The following ALG11 variants were observed in gnomAD, a reference collection of about 807,000 sequenced individuals.
ALG11 encodes the protein GDP-Man:Man(3)GlcNAc(2)-PP-Dol alpha-1,2-mannosyltransferase.
ALG11 carries 26 observed loss-of-function variants against 38.8 expected under a neutral mutation model. That is an observed-to-expected ratio of 0.67 (90% CI 0.49 to 0.93). The LOEUF is 0.93. ALG11 is among the 40% of genes least tolerant of loss of function. The probability of loss-of-function intolerance (pLI) is 0.00; values close to 1 mark genes in which losing one functional copy is unlikely to be tolerated. For missense variants in ALG11, 535 were observed against 578.8 expected, an observed-to-expected ratio of 0.92 and a Z score of 0.78; for synonymous variants, 199 against 211.6, an observed-to-expected ratio of 0.94 and a Z score of 0.52.
intron 2 of ALG11, chr13:52,021,454 G>GA: frequency 6.6e-6 from 1 of 152,346 alleles, no homozygotes. Context: ...AGTCCCCTAA[G>GA]GCTGGTTGGA....
intron 1 of ALG11, chr13:52,015,729 G>A (rs1275021363): frequency 6.5e-6 from 1 of 152,826 alleles, no homozygotes; most frequent in Non-Finnish European, 1.5e-5. Flanking sequence ...ATGATTCTGA[G>A]GCCTCATAGC....
chr13:52,017,657 T>G (rs999050588), intron 1 of ALG11: 1 of 160,976 alleles, frequency 6.2e-6, no homozygotes, highest in African/African-American at 2.4e-5. Flanking sequence ...CCTGCCGTGA[T>G]TCTGAGGTCT....
intron 2 of ALG11, chr13:52,020,681 A>G (rs1954176670): frequency 6.6e-6 from 1 of 152,208 alleles, no homozygotes; most frequent in South Asian, 2.1e-4. Flanking sequence ...GGAGAAAAAA[A>G]CCAAATCATT....
intron 3 of ALG11, among the ~76,000 whole-genome samples, chr13:52,026,776 T>C (rs962324029): frequency 6.6e-6 from 1 of 152,158 alleles, no homozygotes; most frequent in African/African-American, 2.4e-5. Flanking sequence ...AGGGCATGCG[T>C]CCAGGAGGTA....
chr13:52,012,521 G>T (rs1954080134), intron 1 of ALG11, 59 bp downstream of exon 1: 1 of 1,611,578 alleles, frequency 6.2e-7, no homozygotes, highest in African/African-American at 1.3e-5. Flanking sequence ...GTACTTGCCC[G>T]TCCAGTGTAG....
chr13:52,027,318 C>G (rs1954250692), intron 3 of ALG11, among the ~76,000 whole-genome samples: 1 of 151,894 alleles, frequency 6.6e-6, no homozygotes, highest in South Asian at 2.1e-4. Context: ...CATGTGGTGC[C>G]CTAGCTTCCT....
At chr13:52,020,318 A>G (rs1954173854) in intron 2 of ALG11, among the ~76,000 whole-genome samples, 1 of 152,082 alleles carries the variant, frequency 6.6e-6, no homozygotes. Flanking sequence ...AGGTTCCATT[A>G]TTTTATCATA....
intron 2 of ALG11, chr13:52,021,969 T>C (rs1247734176): frequency 1.2e-4 from 19 of 152,342 alleles, no homozygotes; most frequent in Middle Eastern, 3.4e-3. Flanking sequence ...ACTGGCACAA[T>C]GTCACTTTTG....
Position 52,029,626 on chromosome 13 carries a change from T to TCCAA in ALG11, c.*1038_*1041dup. ...AGTTTGAGCAGCTACAGAAGGTTAA[T>TCCAA]CCAACTGTGGCACTGGAAGAAATGG... On this transcript the variant is annotated 3_prime_UTR_variant, in exon 4 of 4. Coordinates refer to ENST00000521508, the MANE Select transcript of ALG11 (RefSeq NM_001004127.3). The TCCAA allele has an allele frequency of 1.2e-6, 2 of 1,614,158 alleles. No individual in the cohort carries two copies. Among genetic ancestry groups the TCCAA allele is most frequent in the Non-Finnish European group, 1.7e-6 (2 of 1,180,028 alleles).
In ALG11 at chr13:52,033,165, T is replaced by C. The variant is rs961443406; in HGVS notation, c.*4575T>C. ...TACATGTATTCTATTTTTTTCTGAA[T>C]GATAGCATGAAAAGTGTCAAAGTGG... On this transcript the variant is annotated 3_prime_UTR_variant, in exon 4 of 4. Transcript: ENST00000521508. 1 of 167,102 alleles carries C rather than the reference T, an allele frequency of 6.0e-6. No homozygotes were observed. 10.4% of individuals were successfully genotyped at this position (167,102 alleles called of 1,614,324 possible).
intron 1 of ALG11, 149 bp downstream of exon 1, chr13:52,012,611 T>C (rs2140812219): frequency 1.8e-6 from 2 of 1,107,546 alleles, no homozygotes; most frequent in East Asian, 5.1e-5. Flanking sequence ...TTTCTTTTTC[T>C]TGGGGGTCTT....
rs1488197233 is a variant in ALG11, at chr13:52,024,028, G to A, written c.298G>A (p.Val100Ile). 4 of 1,614,048 alleles carry A rather than the reference G, an allele frequency of 2.5e-6. No individual in the cohort carries two copies. The South Asian group carries it at 3.3e-5, about 13-fold the overall frequency. ...TAGGTATCCTGAAGCAGTTTATGTTGTTTATACCGGCGATGTTAATGTCAA... is the reference window on the plus strand; with the variant it reads ...TAGGTATCCTGAAGCAGTTTATGTTATTTATACCGGCGATGTTAATGTCAA... ...QKKYPEAVYV[V>I]YTGDVNVNGQ... Residue 100 changes from valine to isoleucine, a missense_variant, in exon 3 of 4, where the codon GTT (valine) becomes ATT (isoleucine). Val to Ile is a conservative substitution (Grantham distance 29, BLOSUM62 3). Transcript: ENST00000521508.
rs569769198 is a variant in ALG11 at position 52,013,671 on chromosome 13, T to G, written c.44+1209T>G. Reference sequence around the variant, plus strand: ...CATTTTAAATAAGCTTTTGAAAGAGTGTCCTGAGAAAGCAAACTGTCCTCT... The same window carrying G: ...CATTTTAAATAAGCTTTTGAAAGAGGGTCCTGAGAAAGCAAACTGTCCTCT... On this transcript the variant is annotated intron_variant, in intron 1 of 3. Transcript: ENST00000521508. 2.2e-4 allele frequency among the ~76,000 whole-genome samples: 34 copies of G among 152,296 alleles called. 2 individuals are homozygous for G. The East Asian group carries it at 6.4e-3, about 28-fold the overall frequency.
intron 1 of ALG11, among the ~76,000 whole-genome samples, chr13:52,015,015 A>G (rs1192762745): frequency 6.6e-6 from 1 of 152,254 alleles, no homozygotes; most frequent in South Asian, 2.1e-4. Context: ...AGGAAATCCC[A>G]CATGAGATTT....
Position 52,024,459 on chromosome 13 carries a change from T to G in ALG11, c.729T>G (p.Ile243Met). Reference sequence around the variant, plus strand: ...TCTACTACTATTTATTTGCTTTTATTTATGGACTTGTTGGTTCTTGCAGTG... The same window carrying G: ...TCTACTACTATTTATTTGCTTTTATGTATGGACTTGTTGGTTCTTGCAGTG... ...KLIYYYLFAF[I>M]YGLVGSCSDV... The change falls in exon 3 of 4, where the codon ATT becomes ATG. Residue 243 changes from isoleucine to methionine, a missense_variant. Ile to Met is a conservative substitution (Grantham distance 10). Coordinates refer to ENST00000521508, the MANE Select transcript of ALG11 (RefSeq NM_001004127.3). 6.2e-7 allele frequency: 1 copy of G among 1,614,156 alleles called. No homozygotes were observed. The highest frequency in any genetic ancestry group is 8.5e-7 in the Non-Finnish European group (1 of 1,180,018).
At chr13:52,021,430 GAAC>G (rs1480871377) in intron 2 of ALG11, 2 of 152,150 alleles carry the variant, frequency 1.3e-5, no homozygotes, top group African/African-American at 4.8e-5. Context: ...AGAGTAGAGA[GAAC>G]AACCACTGCA....
rs141470932 is a variant in ALG11 at position 52,024,534 on chromosome 13, A to G, written c.804A>G (p.Leu268=). ...GGACACTAAACCATATTCTCTCACTATGGAAAGTTGGGAATTGCACTAACA... is the reference window on the plus strand; with the variant it reads ...GGACACTAAACCATATTCTCTCACTGTGGAAAGTTGGGAATTGCACTAACA... The part of the protein sequence containing the change: ...SSWTLNHILS[L]WKVGNCTNIV... The change falls in exon 3 of 4, where the codon CTA becomes CTG. Residue 268 remains leucine, a synonymous_variant. Coordinates refer to ENST00000521508, the MANE Select transcript of ALG11 (RefSeq NM_001004127.3). 42 of 1,614,102 alleles carry G rather than the reference A, an allele frequency of 2.6e-5. No homozygotes were observed. The highest frequency in any genetic ancestry group is 4.4e-5 in the South Asian group (4 of 91,088).
Position 52,012,477 on chromosome 13 carries a change from G to C in ALG11, c.44+15G>C, listed in dbSNP as rs1399549928. ...AAGTTGTTGAGGTGAGCAGCCGGTC[G>C]TGTGGGCTCACAGACGTTTTCTCTT... On this transcript the variant is annotated intron_variant, in intron 1 of 3. Coordinates refer to ENST00000521508, the MANE Select transcript of ALG11 (RefSeq NM_001004127.3). 1.2e-6 allele frequency: 2 copies of C among 1,614,080 alleles called. No individual in the cohort carries two copies. Among genetic ancestry groups the C allele is most frequent in the Admixed American group, 1.7e-5 (1 of 60,032 alleles).
chr13:52,031,151 C>T lies in ALG11; in HGVS notation c.*2561C>T. The T allele has an allele frequency of 1.3e-6, 2 of 1,563,492 alleles. No homozygotes were observed. Among genetic ancestry groups the T allele is most frequent in the South Asian group, 2.5e-5 (2 of 81,614 alleles). Reference sequence around the variant, plus strand: ...ACAGTCAGGGGCCCTGATTCCACTTCCTTTGGTCCAGTTTTACTCTGCTAC... The same window carrying T: ...ACAGTCAGGGGCCCTGATTCCACTTTCTTTGGTCCAGTTTTACTCTGCTAC... On this transcript the variant is annotated 3_prime_UTR_variant, in exon 4 of 4. Transcript: ENST00000521508.
Sources: gnomAD v4.1 joint callset for allele counts (sites outside exome capture counted in the v4.1 genomes callset) on GRCh38, gnomAD v4.1.1 for gene constraint, MANE v1.5 for transcripts, NCBI Gene and HGNC (gene_info 2026-07-23, HGNC 2026-07-21) for gene names.